Variants in SETD1B observed in about 807,000 individuals in gnomAD.
SETD1B encodes the protein histone-lysine N-methyltransferase SETD1B.
A neutral mutation model predicts 148.0 loss-of-function variants in SETD1B; 7 were observed. That is an observed-to-expected ratio of 0.05 (90% CI 0.03 to 0.09). The LOEUF (loss-of-function observed/expected upper bound fraction) is 0.09, where lower values mean the gene tolerates loss of function less well. SETD1B is among the 10% of genes least tolerant of loss of function. The pLI, the probability that SETD1B is intolerant of heterozygous loss-of-function variation, is 1.00. For synonymous variants in SETD1B, 1,361 were observed against 1,186.5 expected (o/e 1.15, Z -3.02); for missense variants, 2,155 against 2,729.9 (o/e 0.79, Z 4.69).
chr12:121,814,599 C>T lies in SETD1B; in HGVS notation c.2384C>T (p.Pro795Leu), dbSNP rs970924054. The change falls in exon 7 of 17, where the codon CCG becomes CTG. Residue 795 changes from proline to leucine, a missense_variant. Pro to Leu is a moderately conservative substitution (Grantham distance 98, BLOSUM62 -3). Around this residue, in one of 11 missense-constraint regions of SETD1B, gnomAD observed 289 missense variants for 423.7 expected, o/e 0.68. Coordinates refer to ENST00000604567, the MANE Select transcript of SETD1B (RefSeq NM_001353345.2). ...LMTGQGACPY[P>L]PFMAAAAAAA... ...ACGGGCCAGGGCGCCTGCCCCTACCCGCCCTTCATGGCCGCTGCGGCCGCC... is the reference window on the plus strand; with the variant it reads ...ACGGGCCAGGGCGCCTGCCCCTACCTGCCCTTCATGGCCGCTGCGGCCGCC... The T allele has an allele frequency of 9.1e-6, 14 of 1,536,614 alleles. No homozygotes were observed. The highest frequency in any genetic ancestry group is 1.7e-4 in the Middle Eastern group (1 of 5,906).
intron 10 of SETD1B, among the ~76,000 whole-genome samples, chr12:121,818,993 C>A (rs185386229): frequency 1.3e-5 from 2 of 152,230 alleles, no homozygotes; most frequent in East Asian, 3.9e-4. Flanking sequence ...TCCTTTAATC[C>A]CAGCACTTTG....
chr12:121,819,572 T>C lies in SETD1B; in HGVS notation c.3587T>C (p.Val1196Ala). 1 of 1,552,488 alleles carries C rather than the reference T, an allele frequency of 6.4e-7. No individual in the cohort carries two copies. Among genetic ancestry groups the C allele is most frequent in the Non-Finnish European group, 8.7e-7 (1 of 1,147,292 alleles). ...GAAGAAGAGGAGGAGGAGGAGATGG[T>C]GGCCGAGGAAAGCATGGCTTCTGCA... ...EEEEEEEEEMVAEESMASAGP... is the reference protein window; with the variant it reads ...EEEEEEEEEMAAEESMASAGP... The change falls in exon 11 of 17, where the codon GTG becomes GCG. Residue 1196 changes from valine (V) to alanine (A), a missense_variant. By Grantham distance (64) the Val-to-Ala change is moderately conservative. Around this residue, in one of 11 missense-constraint regions of SETD1B, gnomAD observed 862 missense variants for 873.8 expected, o/e 0.99. Coordinates refer to ENST00000604567, the MANE Select transcript of SETD1B (RefSeq NM_001353345.2).
Position 121,808,314 on chromosome 12 carries a change from C to T in SETD1B, c.651C>T (p.Thr217=), listed in dbSNP as rs1875847193. 1 of 1,549,700 alleles carries T rather than the reference C, an allele frequency of 6.5e-7. No individual in the cohort carries two copies. Among genetic ancestry groups the T allele is most frequent in the Non-Finnish European group, 8.7e-7 (1 of 1,145,606 alleles). The change falls in exon 5 of 17, where the codon ACC becomes ACT. Residue 217 remains threonine, a synonymous_variant. Transcript: ENST00000604567. This position sits in a 1 kb window ranked among gnomAD's most constrained non-coding sequence, Gnocchi z 5.3. ...LDAVSPIVNE[T]LQLSDALKRL... ...CTGTCTCTCCAATCGTGAATGAGACCCTGCAGGTGGGTTTATGGCCGTCAG... is the reference window on the plus strand; with the variant it reads ...CTGTCTCTCCAATCGTGAATGAGACTCTGCAGGTGGGTTTATGGCCGTCAG...
At position 121,830,291 on chromosome 12, in the gene SETD1B, C is replaced by T. The variant is rs1026617737; in HGVS notation, c.*52C>T. On this transcript the variant is annotated 3_prime_UTR_variant, in exon 17 of 17. Coordinates refer to ENST00000604567, the MANE Select transcript of SETD1B (RefSeq NM_001353345.2). The surrounding 1 kb of genome is among the most constrained non-coding windows in gnomAD (Gnocchi z 5.7). ...CAGCCGTAGCCCTGGGACTCCCGAG[C>T]GTGGAGCCCCTGGCCCCGGGGCCCG... 17 of 1,506,346 alleles carry T rather than the reference C, an allele frequency of 1.1e-5. No homozygotes were observed. The highest frequency in any genetic ancestry group is 2.3e-4 in the Middle Eastern group (1 of 4,354). The allele number at this position is 1,506,346 out of a possible 1,614,324, so 93.3% of individuals were successfully genotyped here.
At chr12:121,799,005 A>ACAG in the SETD1B span, among the ~76,000 whole-genome samples, 8 of 152,234 alleles carry the variant, frequency 5.3e-5, no homozygotes, top group African/African-American at 1.9e-4. Context: ...TTCCCAGACC[A>ACAG]CAGCATCAGC....
At chr12:121,797,426 C>G in the SETD1B span, 1 of 455,814 alleles carries the variant, frequency 2.2e-6, no homozygotes, top group Admixed American at 2.3e-5. Context: ...GGAACAGCAG[C>G]AGGAGGACAA....
rs1236880473 is a variant in SETD1B at position 121,805,420 on chromosome 12, C to T, written c.273+204C>T. 3.9e-5 allele frequency among the ~76,000 whole-genome samples: 6 copies of T among 152,160 alleles called. No individual in the cohort carries two copies. The highest frequency in any genetic ancestry group is 8.8e-5 in the Non-Finnish European group (6 of 68,034). ...AAATAACACTGGGTGAAACTGTAAT[C>T]ACGGCGCAGATACAGTGTCCTGCAC... On this transcript the variant is annotated intron_variant, in intron 3 of 16. Transcript: ENST00000604567. This position sits in a 1 kb window ranked among gnomAD's most constrained non-coding sequence, Gnocchi z 4.2.
At chr12:121,794,478 C>T in the SETD1B span, 1 of 152,388 alleles carries the variant, frequency 6.6e-6, no homozygotes, top group South Asian at 2.1e-4. Context: ...GTTGGAGTAG[C>T]TCTAGTTGAA....
At position 121,827,550 on chromosome 12, in the gene SETD1B, C is replaced by T; in HGVS notation, c.5369C>T (p.Ser1790Phe). Residue 1790 changes from serine to phenylalanine, a missense_variant, in exon 14 of 17, where the codon TCC (serine) becomes TTC (phenylalanine). By Grantham distance (155) the Ser-to-Phe change is radical (BLOSUM62 -2). Transcript: ENST00000604567. ...GMSIPAQPHA[S>F]TRAGSERRSE... ...AGCATCCCAGCACAGCCCCACGCCT[C>T]CACCCGGGCAGGCTCGGAGCGGCGT... 6.5e-7 allele frequency: 1 copy of T among 1,547,612 alleles called. No individual in the cohort carries two copies. The highest frequency in any genetic ancestry group is 8.7e-7 in the Non-Finnish European group (1 of 1,146,576).
chr12:121,811,575 G>A (rs368130807), intron 6 of SETD1B, among the ~76,000 whole-genome samples: 12 of 152,188 alleles, frequency 7.9e-5, no homozygotes, highest in African/African-American at 2.9e-4. Flanking sequence ...AGGGTGCCAC[G>A]TGCCAGGTTC....
At chr12:121,811,526 C>T (rs748105608) in intron 6 of SETD1B, among the ~76,000 whole-genome samples, 3 of 152,206 alleles carry the variant, frequency 2.0e-5, no homozygotes, top group African/African-American at 4.8e-5. Context: ...GTTGCCTAAA[C>T]CTCCAGCCTC....
Position 121,805,251 on chromosome 12 carries a change from C to G in SETD1B, c.273+35C>G, listed in dbSNP as rs953879234. On this transcript the variant is annotated intron_variant, in intron 3 of 16. Transcript: ENST00000604567. This position sits in a 1 kb window ranked among gnomAD's most constrained non-coding sequence, Gnocchi z 4.2. ...CTCCCCACTGCCCCGCCGTCCCTCC[C>G]CCACCTCCCCGAGTTCGAAAATAAC... 1 of 1,482,996 alleles carries G rather than the reference C, an allele frequency of 6.7e-7. No individual in the cohort carries two copies. The highest frequency in any genetic ancestry group is 1.4e-5 in the African/African-American group (1 of 71,784). 91.9% of individuals were successfully genotyped at this position (1,482,996 alleles called of 1,614,324 possible).
At chr12:121,806,517 A>G (rs963748633) in intron 4 of SETD1B, among the ~76,000 whole-genome samples, 4 of 152,158 alleles carry the variant, frequency 2.6e-5, no homozygotes, top group Admixed American at 6.5e-5. Flanking sequence ...CATCAAGAGA[A>G]GGTCTGAAAA....
In SETD1B at chr12:121,814,159, G is replaced by C. The variant is rs567239148; in HGVS notation, c.1944G>C (p.Ser648=). ...DMEISDDEMP[S]APITSADCPK... ...AGATCTCGGATGACGAGATGCCCTC[G>C]GCCCCCATCACCAGCGCTGACTGCC... Residue 648 remains serine (S), a synonymous_variant, in exon 7 of 17, where the codon TCG becomes TCC. Transcript: ENST00000604567. 3 of 1,547,862 alleles carry C rather than the reference G, an allele frequency of 1.9e-6. No homozygotes were observed. Among genetic ancestry groups the C allele is most frequent in the East Asian group, 4.9e-5 (2 of 40,826 alleles).
chr12:121,813,872 TG>T (rs1876155157), intron 6 of SETD1B, among the ~76,000 whole-genome samples: 1 of 152,166 alleles, frequency 6.6e-6, no homozygotes, highest in Non-Finnish European at 1.5e-5. Flanking sequence ...ACACAGGTAC[TG>T]AGCAAATGTT....
chr12:121,824,047 A>C (rs189609690), intron 12 of SETD1B, among the ~76,000 whole-genome samples: 18 of 152,370 alleles, frequency 1.2e-4, no homozygotes, highest in African/African-American at 4.1e-4. Context: ...ACACGGGCGC[A>C]GGGCCTCCTT....
chr12:121,823,775 G>C, intron 12 of SETD1B, 26 bp downstream of exon 12: 1 of 1,520,708 alleles, frequency 6.6e-7, no homozygotes, highest in Non-Finnish European at 8.9e-7. Flanking sequence ...GGGGGGCTCT[G>C]CACCTTCTGG....
the SETD1B span, among the ~76,000 whole-genome samples, chr12:121,791,946 C>T: frequency 1.3e-5 from 2 of 152,334 alleles, no homozygotes; most frequent in South Asian, 2.1e-4. Context: ...TTACTACCCC[C>T]GGGCCACGCC....
rs1229040866 is a variant in SETD1B at position 121,804,611 on chromosome 12, C to T, written c.-14-113C>T. 4.7e-6 allele frequency: 4 copies of T among 856,712 alleles called. No individual in the cohort carries two copies. Among genetic ancestry groups the T allele is most frequent in the African/African-American group, 1.8e-5 (1 of 56,222 alleles). The allele number at this position is 856,712 out of a possible 1,614,324, so 53.1% of individuals were successfully genotyped here. A position where few individuals can be genotyped will look rare whatever the true frequency, so the allele number is the denominator to read the frequency against. Reference sequence around the variant, plus strand: ...CAGCGAGACAGCTCCTTTCGGGGCGCGCTGGCAAGGTGGGAGGGGGTGGGG... The same window carrying T: ...CAGCGAGACAGCTCCTTTCGGGGCGTGCTGGCAAGGTGGGAGGGGGTGGGG... On this transcript the variant is annotated intron_variant, in intron 1 of 16. Transcript: ENST00000604567. The surrounding 1 kb of genome is among the most constrained non-coding windows in gnomAD (Gnocchi z 4.6).
Sources: allele counts gnomAD v4.1 joint callset (sites outside exome capture counted in the v4.1 genomes callset), GRCh38; gene constraint gnomAD v4.1.1; regional missense constraint gnomAD v4.1.1; non-coding constraint Gnocchi (gnomAD v3.1); transcripts MANE v1.5; gene names NCBI Gene and HGNC (gene_info 2026-07-23, HGNC 2026-07-21).